C12orf42: variants seen among roughly 807,000 people sequenced by gnomAD.
C12orf42 encodes chromosome 12 open reading frame 42, also known as uncharacterized protein C12orf42.
In C12orf42, 25 loss-of-function variants were observed where a neutral mutation model predicts 21.6. The ratio of observed to expected loss-of-function variants is 1.16; its 90% CI spans 0.84 to 1.62. The LOEUF is 1.62. Ranked by LOEUF, C12orf42 falls within the 40% of genes most tolerant of loss-of-function variation. C12orf42 has a pLI of 0.00. For missense variants in C12orf42, 483 were observed against 459.3 expected (o/e 1.05, Z -0.47); for synonymous variants, 174 against 175.0 (o/e 0.99, Z 0.05).
At chr12:103,231,237 C>A in the C12orf42 span, among the ~76,000 whole-genome samples, 1 of 152,176 alleles carries the variant, frequency 6.6e-6, no homozygotes, top group Non-Finnish European at 1.5e-5. Context: ...ACATGCATAG[C>A]CTCCACCATT....
At chr12:103,188,461 T>A in the C12orf42 span, among the ~76,000 whole-genome samples, 2 of 152,154 alleles carry the variant, frequency 1.3e-5, no homozygotes, top group African/African-American at 2.4e-5. Context: ...GATGTGAGGA[T>A]TGGAACCACA....
chr12:103,550,340 G>A, the C12orf42 span: 1 of 152,182 alleles, frequency 6.6e-6, no homozygotes, highest in African/African-American at 2.4e-5. Context: ...TGTTAAAACT[G>A]TCTCAAAGCT....
At chr12:103,405,896 A>C (rs571659543) in intron 2 of C12orf42, among the ~76,000 whole-genome samples, 1 of 152,276 alleles carries the variant, frequency 6.6e-6, no homozygotes, top group African/African-American at 2.4e-5. Context: ...TTAAGATGAA[A>C]TACTTATTTC....
At chr12:103,434,304 C>T (rs1950491057) in intron 2 of C12orf42, among the ~76,000 whole-genome samples, 2 of 152,180 alleles carry the variant, frequency 1.3e-5, no homozygotes, top group South Asian at 4.1e-4. Context: ...CCCTGGGTCA[C>T]ATGCCTGCCC....
intron 4 of C12orf42, among the ~76,000 whole-genome samples, chr12:103,322,288 C>T (rs1448531884): frequency 6.6e-6 from 1 of 152,232 alleles, no homozygotes; most frequent in Non-Finnish European, 1.5e-5. Flanking sequence ...CCCCCATCCA[C>T]AGTTGATTGG....
chr12:103,505,687 G>A, the C12orf42 span: 2 of 226,102 alleles, frequency 8.8e-6, no homozygotes, highest in Non-Finnish European at 1.7e-5. Flanking sequence ...AGGGCTCAAG[G>A]CTGTAGATGG....
At position 103,412,480 on chromosome 12, in the gene C12orf42, C is replaced by T. The variant is rs184167813; in HGVS notation, c.79-10805G>A. ...GGTCAGGAGTTCGAGACTGGCCTGG[C>T]CAACATGGCAAAACCCTGTCCCTAC... On this transcript the variant is annotated intron_variant, in intron 2 of 5. Transcript: ENST00000548883. Among the ~76,000 whole-genome samples the T allele has an allele frequency of 3.4e-3, 515 of 152,230 alleles. 2 individuals are homozygous for T. The highest frequency in any genetic ancestry group is 6.2e-3 in the Non-Finnish European group (423 of 68,000).
At chr12:103,252,353 C>A (rs2034350800) in intron 10 of C12orf42, among the ~76,000 whole-genome samples, 1 of 152,128 alleles carries the variant, frequency 6.6e-6, no homozygotes, top group African/African-American at 2.4e-5. Context: ...GTTCTATATC[C>A]TTGAGGAATT....
At chr12:103,208,004 T>G in the C12orf42 span, among the ~76,000 whole-genome samples, 1 of 152,152 alleles carries the variant, frequency 6.6e-6, no homozygotes, top group Non-Finnish European at 1.5e-5. Flanking sequence ...CAGGCCAGAA[T>G]GGAAAAGCTT....
intron 4 of C12orf42, among the ~76,000 whole-genome samples, chr12:103,314,935 G>A (rs898317970): frequency 1.3e-5 from 2 of 151,978 alleles, no homozygotes; most frequent in Non-Finnish European, 2.9e-5. Context: ...GTATAATAAC[G>A]GTGGATTACA....
the C12orf42 span, among the ~76,000 whole-genome samples, chr12:103,522,261 C>T: frequency 6.6e-6 from 1 of 152,194 alleles, no homozygotes; most frequent in African/African-American, 2.4e-5. Flanking sequence ...CCAGGTAAGG[C>T]ATCGGTTGTT....
At chr12:103,310,736 C>T (rs2038898001) in intron 4 of C12orf42, among the ~76,000 whole-genome samples, 1 of 152,234 alleles carries the variant, frequency 6.6e-6, no homozygotes, top group East Asian at 1.9e-4. Context: ...ACCTCCAAAA[C>T]GTTAGGCTTT....
rs142287111 is a variant in C12orf42 at position 103,374,348 on chromosome 12, C to T, written c.148-5350G>A. ...TGGCTGCTTGGATTGGAGTTCAGAA[C>T]CAGCGAGATATAATGGGATATTTTG... On this transcript the variant is annotated intron_variant, in intron 3 of 5. Transcript: ENST00000548883. Among the ~76,000 whole-genome samples, 869 of 152,192 alleles carry T rather than the reference C, an allele frequency of 5.7e-3. 5 individuals are homozygous for T. The highest frequency in any genetic ancestry group is 0.018 in the African/African-American group (750 of 41,522).
At chr12:103,276,587 G>T (rs959573631) in intron 5 of C12orf42, among the ~76,000 whole-genome samples, 4 of 152,212 alleles carry the variant, frequency 2.6e-5, no homozygotes, top group Non-Finnish European at 5.9e-5. Flanking sequence ...GCTAGGGGTT[G>T]CTTCTTCCAT....
At chr12:103,128,880 T>C in the C12orf42 span, among the ~76,000 whole-genome samples, 6 of 152,214 alleles carry the variant, frequency 3.9e-5, no homozygotes, top group East Asian at 1.9e-4. Context: ...GAGGGTAAGA[T>C]TGCTGTTTAC....
chr12:103,519,996 C>G, the C12orf42 span, among the ~76,000 whole-genome samples: 2 of 152,288 alleles, frequency 1.3e-5, no homozygotes, highest in Middle Eastern at 3.4e-3. Flanking sequence ...AGGGAGATGT[C>G]TGGATGCAAA....
At chr12:103,129,995 CTGAA>C in the C12orf42 span, among the ~76,000 whole-genome samples, 6 of 152,174 alleles carry the variant, frequency 3.9e-5, no homozygotes, top group East Asian at 1.2e-3. Context: ...AGCTAGAATC[CTGAA>C]TATTTTTCCC....
At chr12:103,401,757 G>A (rs1163333565) in intron 2 of C12orf42, 82 bp from the exon 3 acceptor site, 5 of 1,321,678 alleles carry the variant, frequency 3.8e-6, no homozygotes, top group Non-Finnish European at 5.4e-6. Context: ...ATGGTTTTTA[G>A]GCAGATCAGA....
chr12:103,368,940 T>C lies in C12orf42; in HGVS notation c.206A>G (p.Lys69Arg). 1 of 1,600,648 alleles carries C rather than the reference T, an allele frequency of 6.2e-7. No homozygotes were observed. ...VPCSRFINHM[K>R]NFSESPKFRS... Reference sequence around the variant, plus strand: ...AAATTTAGGAGATTCAGAGAAATTCTTCATGTGATTAATGAATCTGGAGCA... The same window carrying C: ...AAATTTAGGAGATTCAGAGAAATTCCTCATGTGATTAATGAATCTGGAGCA... Residue 69 changes from lysine (K) to arginine (R), a missense_variant, in exon 4 of 6, where the codon AAG becomes AGG. Coordinates refer to ENST00000548883, the MANE Select transcript of C12orf42 (RefSeq NM_198521.5).
Sources: allele counts gnomAD v4.1 joint callset (sites outside exome capture counted in the v4.1 genomes callset), GRCh38; gene constraint gnomAD v4.1.1; transcripts MANE v1.5; gene names NCBI Gene and HGNC (gene_info 2026-07-23, HGNC 2026-07-21).